The following SLTM variants were observed in gnomAD, a reference collection of about 807,000 sequenced individuals.
SLTM encodes the protein SAFB like transcription modulator, also known as SAFB-like transcription modulator.
Under a neutral mutation model 134.6 loss-of-function variants are expected in SLTM, and 43 were observed. The ratio of observed to expected loss-of-function variants is 0.32; its 90% CI spans 0.25 to 0.41. SLTM has a LOEUF of 0.41. SLTM is among the 10% of genes least tolerant of loss of function. The pLI is 1.00. For synonymous variants in SLTM, 424 were observed against 432.3 expected (o/e 0.98, Z 0.24); for missense variants, 1,055 against 1,288.8 (o/e 0.82, Z 2.78).
intron 3 of SLTM, among the ~76,000 whole-genome samples, chr15:58,915,286 CA>C (rs1246215214): frequency 1.3e-5 from 2 of 152,144 alleles, no homozygotes; most frequent in African/African-American, 4.8e-5. Flanking sequence ...AATCATAACA[CA>C]AAAGCATCCT....
At chr15:58,914,711 T>C (rs532523877) in intron 3 of SLTM, among the ~76,000 whole-genome samples, 91 of 152,346 alleles carry the variant, frequency 6.0e-4, no homozygotes, top group Non-Finnish European at 1.2e-3. Context: ...TCCTCACTTA[T>C]TTACAGAAGC....
At chr15:58,922,171 T>G (rs1225634603) in intron 2 of SLTM, among the ~76,000 whole-genome samples, 2 of 150,794 alleles carry the variant, frequency 1.3e-5, no homozygotes, top group Non-Finnish European at 2.9e-5. Flanking sequence ...AGGTCAGGAG[T>G]GTGCAACTAG....
rs1477439906 is a variant in SLTM, at chr15:58,933,568, T to C, written c.-3A>G. The C allele has an allele frequency of 7.6e-6, 12 of 1,586,554 alleles. No homozygotes were observed. In the East Asian group the frequency reaches 2.6e-4, roughly 35 times the overall value. ...ACCGCACCGGTAGCGGCAGCCATCT[T>C]AGAAGAGCAGCGCGCTGCCGAGGCA... is the stretch of plus-strand genomic sequence containing the variant. On this transcript the variant is annotated 5_prime_UTR_variant, in exon 1 of 21. Transcript: ENST00000380516.
At chr15:58,921,904 G>A (rs1043794535) in intron 2 of SLTM, among the ~76,000 whole-genome samples, 2 of 151,866 alleles carry the variant, frequency 1.3e-5, no homozygotes, top group Non-Finnish European at 1.5e-5. Context: ...GCCTCACAAG[G>A]AGCTGGGATT....
intron 1 of SLTM, 56 bp downstream of exon 1, chr15:58,933,348 C>G (rs1285630955): frequency 4.0e-6 from 6 of 1,502,994 alleles, no homozygotes; most frequent in Non-Finnish European, 5.3e-6. Flanking sequence ...AGCGGGGCGC[C>G]GAGGCGCGGC....
Position 58,887,265 on chromosome 15 carries a change from T to C in SLTM, c.2651A>G (p.Lys884Arg). Residue 884 changes from lysine (K) to arginine (R), a missense_variant, in exon 18 of 21, where the codon AAA (lysine) becomes AGA (arginine). Physicochemically the swap from Lys to Arg is conservative, Grantham distance 26. This residue lies in a region of SLTM where 776 missense variants were observed against 962.2 expected (regional missense o/e 0.81). Transcript: ENST00000380516. ...GTCAGTGGACATGCTTCCTTCACTT[T>C]TCCAGCTGGTGGGTCTGGAAGGATT... ...GPNPSRPTSW[K>R]SEGSMSTDKR... is the part of the protein sequence containing the mutation. The C allele has an allele frequency of 1.2e-6, 2 of 1,614,192 alleles. No individual in the cohort carries two copies. Among genetic ancestry groups the C allele is most frequent in the East Asian group, 2.2e-5 (1 of 44,890 alleles).
intron 2 of SLTM, 64 bp from the exon 3 acceptor site, chr15:58,917,063 A>C: frequency 6.7e-7 from 1 of 1,494,300 alleles, no homozygotes; most frequent in Non-Finnish European, 9.3e-7. Flanking sequence ...AAAAATATTC[A>C]GAGTTTACCC....
chr15:58,905,623 G>A (rs773946842), intron 5 of SLTM, among the ~76,000 whole-genome samples: 1 of 152,000 alleles, frequency 6.6e-6, no homozygotes, highest in Non-Finnish European at 1.5e-5. Flanking sequence ...CAGATGCGAA[G>A]AGCACACCAC....
chr15:58,890,333 C>G lies in SLTM; in HGVS notation c.2027G>C (p.Arg676Thr). Residue 676 changes from arginine to threonine, a missense_variant, in exon 15 of 21, where the codon AGA becomes ACA. Arg to Thr is a moderately conservative substitution (Grantham distance 71). Coordinates refer to ENST00000380516, the MANE Select transcript of SLTM (RefSeq NM_024755.4). Reference protein sequence around the residue: ...RLEIERQKLERERMERERLER... With the variant: ...RLEIERQKLETERMERERLER... ...CAAGCGTTCGCGTTCCATTCTCTCTCTCTCTAGTTTTTGCCTTTCAATTTC... is the reference window on the plus strand; with the variant it reads ...CAAGCGTTCGCGTTCCATTCTCTCTGTCTCTAGTTTTTGCCTTTCAATTTC... 1 of 1,614,118 alleles carries G rather than the reference C, an allele frequency of 6.2e-7. No homozygotes were observed. Among genetic ancestry groups the G allele is most frequent in the Non-Finnish European group, 8.5e-7 (1 of 1,179,974 alleles).
At chr15:58,897,091 G>A (rs2035137425) in intron 9 of SLTM, 24 bp downstream of exon 9, 1 of 1,362,234 alleles carries the variant, frequency 7.3e-7, no homozygotes, top group Non-Finnish European at 1.1e-6. Context: ...CAGAAAGACA[G>A]ATAAAAAGGT....
At chr15:58,896,949 C>T (rs1299251233) in intron 9 of SLTM, among the ~76,000 whole-genome samples, 166 bp downstream of exon 9, 2 of 152,166 alleles carry the variant, frequency 1.3e-5, no homozygotes, top group Non-Finnish European at 2.9e-5. Flanking sequence ...TGCTATTTAT[C>T]CCCTAACTCT....
At chr15:58,912,540 C>A in intron 5 of SLTM, 23 bp downstream of exon 5, 3 of 1,605,930 alleles carry the variant, frequency 1.9e-6, no homozygotes, top group Non-Finnish European at 1.7e-6. Flanking sequence ...ATATCGAATT[C>A]ATAGGACTAA....
chr15:58,916,265 C>G (rs1483638800), intron 3 of SLTM, among the ~76,000 whole-genome samples: 1 of 151,840 alleles, frequency 6.6e-6, no homozygotes, highest in East Asian at 1.9e-4. Flanking sequence ...CCTCCACCTC[C>G]CGAGTTCAAG....
chr15:58,898,775 GAAAT>G, intron 8 of SLTM, 24 bp downstream of exon 8: 4 of 1,550,966 alleles, frequency 2.6e-6, no homozygotes, highest in Non-Finnish European at 3.5e-6. Context: ...TGTCAACACT[GAAAT>G]AAATAGGGAA....
rs369008820 is a variant in SLTM at position 58,897,166 on chromosome 15, T to A, written c.1176A>T (p.Ser392=). 17 of 1,613,522 alleles carry A rather than the reference T, an allele frequency of 1.1e-5. No homozygotes were observed. The highest frequency in any genetic ancestry group is 1.4e-5 in the Non-Finnish European group (17 of 1,179,636). The change falls in exon 9 of 21, where the codon TCA becomes TCT. Residue 392 remains serine (S), a synonymous_variant. Transcript: ENST00000380516. ...STKNIWVSGL[S]SNTKAADLKN... ...TCAAATCAGCAGCTTTGGTATTAGA[T>A]GAAAGTCCACTAACCCAGATATTTT... is the stretch of plus-strand genomic sequence containing the variant.
chr15:58,905,718 G>T (rs1472951679), intron 5 of SLTM, among the ~76,000 whole-genome samples: 3 of 151,520 alleles, frequency 2.0e-5, no homozygotes, highest in African/African-American at 7.3e-5. Context: ...ATTTTAAAAA[G>T]TAAAATAGTA....
At chr15:58,887,175 T>G (rs762027027) in intron 18 of SLTM, 51 bp downstream of exon 18, 4 of 1,612,196 alleles carry the variant, frequency 2.5e-6, no homozygotes, top group Admixed American at 1.7e-5. Context: ...TAACTTTTTT[T>G]AACCCCAATG....
rs1456087042 is a variant in SLTM at position 58,897,169 on chromosome 15, A to C, written c.1173T>G (p.Leu391=). 1 of 1,613,354 alleles carries C rather than the reference A, an allele frequency of 6.2e-7. No homozygotes were observed. Among genetic ancestry groups the C allele is most frequent in the Non-Finnish European group, 8.5e-7 (1 of 1,179,624 alleles). Residue 391 remains leucine (L), a synonymous_variant, in exon 9 of 21, where the codon CTT becomes CTG. Coordinates refer to ENST00000380516, the MANE Select transcript of SLTM (RefSeq NM_024755.4). The part of the protein sequence containing the change: ...SSTKNIWVSG[L]SSNTKAADLK... ...AATCAGCAGCTTTGGTATTAGATGA[A>C]AGTCCACTAACCCAGATATTTTTAG...
intron 20 of SLTM, among the ~76,000 whole-genome samples, chr15:58,882,476 G>A (rs1340166541): frequency 6.6e-6 from 1 of 152,174 alleles, no homozygotes; most frequent in Non-Finnish European, 1.5e-5. Flanking sequence ...AGTCACAAAG[G>A]CAGAAAGAAA....
Sources: allele counts gnomAD v4.1 joint callset (sites outside exome capture counted in the v4.1 genomes callset), GRCh38; gene constraint gnomAD v4.1.1; regional missense constraint gnomAD v4.1.1; transcripts MANE v1.5; gene names NCBI Gene and HGNC (gene_info 2026-07-23, HGNC 2026-07-21).